FAT4: variants seen among roughly 807,000 people sequenced by gnomAD.
FAT4 encodes FAT atypical cadherin 4.
FAT4 carries 84 observed loss-of-function variants against 303.9 expected under a neutral mutation model. The ratio of observed to expected loss-of-function variants is 0.28; its 90% CI spans 0.23 to 0.33. FAT4 has a LOEUF of 0.33. FAT4 is among the 10% of genes least tolerant of loss of function. The pLI, the probability that FAT4 is intolerant of heterozygous loss-of-function variation, is 1.00. For missense variants in FAT4, 6,005 were observed against 6,146.8 expected (o/e 0.98, Z 0.77); for synonymous variants, 2,307 against 2,298.8 (o/e 1.00, Z -0.10).
At chr4:125,336,362 C>G (rs769827271) in intron 2 of FAT4, among the ~76,000 whole-genome samples, 18 of 151,806 alleles carry the variant, frequency 1.2e-4, no homozygotes, top group Non-Finnish European at 2.2e-4. Context: ...TAATATAATG[C>G]AAAGGTAGAG....
chr4:125,372,876 G>T (rs543367983), intron 2 of FAT4, among the ~76,000 whole-genome samples: 1 of 152,080 alleles, frequency 6.6e-6, no homozygotes, highest in African/African-American at 2.4e-5. Flanking sequence ...AATAGCAAGT[G>T]GAAAACCCAT....
chr4:125,490,935 C>G lies in FAT4; in HGVS notation c.14119C>G (p.Pro4707Ala), dbSNP rs1727611034. The change falls in exon 18 of 18, where the codon CCT (proline) becomes GCT (alanine). Residue 4707 changes from proline to alanine, a missense_variant. Physicochemically the swap from Pro to Ala is conservative, Grantham distance 27 (BLOSUM62 -1). Transcript: ENST00000394329. ...CCCTCTGTCTCGACACAGTCCAGCC[C>G]CTTTCTCCAAATCTTCTACGTTCTA... ...PNPLSRHSPA[P>A]FSKSSTFYRN... 7 of 1,614,166 alleles carry G rather than the reference C, an allele frequency of 4.3e-6. No homozygotes were observed. The East Asian group carries it at 1.3e-4, about 31-fold the overall frequency.
chr4:125,441,539 C>T (rs957270101), intron 8 of FAT4, among the ~76,000 whole-genome samples: 4 of 152,164 alleles, frequency 2.6e-5, no homozygotes, highest in Admixed American at 2.0e-4. Flanking sequence ...AGCACAAAAA[C>T]ATGCCTAGTT....
At chr4:125,322,438 T>C (rs79008005) in intron 2 of FAT4, among the ~76,000 whole-genome samples, 3,186 of 152,304 alleles carry the variant, frequency 0.021, 109 homozygotes, top group African/African-American at 0.072. Context: ...TGCTTTTTAA[T>C]TGAACTACTT....
At chr4:125,444,613 C>T (rs892984017) in intron 8 of FAT4, among the ~76,000 whole-genome samples, 20 of 152,204 alleles carry the variant, frequency 1.3e-4, no homozygotes, top group Admixed American at 8.5e-4. Flanking sequence ...CAACACATTA[C>T]GCTTAATAAT....
chr4:125,408,404 A>T, intron 4 of FAT4, 40 bp from the exon 5 acceptor site: 1 of 1,323,214 alleles, frequency 7.6e-7, no homozygotes, highest in Non-Finnish European at 1.0e-6. Flanking sequence ...AATACTTCTT[A>T]CTTCCTTGAT....
intron 2 of FAT4, chr4:125,394,147 C>A: frequency 1.9e-6 from 1 of 525,102 alleles, no homozygotes; most frequent in South Asian, 2.9e-5. Flanking sequence ...CTTATCTTAA[C>A]GGGATCATGA....
chr4:125,442,542 A>AC (rs1725695368), intron 8 of FAT4, among the ~76,000 whole-genome samples: 1 of 152,150 alleles, frequency 6.6e-6, no homozygotes, highest in Non-Finnish European at 1.5e-5. Flanking sequence ...TCCACACCTG[A>AC]TACCTTTGCT....
chr4:125,339,900 A>C (rs1731717068), intron 2 of FAT4, among the ~76,000 whole-genome samples: 1 of 152,152 alleles, frequency 6.6e-6, no homozygotes, highest in South Asian at 2.1e-4. Context: ...TACATCTATA[A>C]TATAATTGTA....
chr4:125,484,980 G>A (rs1401403646), intron 16 of FAT4, among the ~76,000 whole-genome samples: 1 of 151,868 alleles, frequency 6.6e-6, no homozygotes, highest in African/African-American at 2.4e-5. Context: ...AGCCTCCCAA[G>A]TAGATGGGAC....
chr4:125,317,468 G>A lies in FAT4; in HGVS notation c.1057G>A (p.Val353Met). ...GGACGTGAATGACAATGACCCGGTAGTGAAGTTCCGCTACTTCCCGGCCAC... is the reference window on the plus strand; with the variant it reads ...GGACGTGAATGACAATGACCCGGTAATGAAGTTCCGCTACTTCCCGGCCAC... ...LLDVNDNDPVVKFRYFPATSR... is the reference protein window; with the variant it reads ...LLDVNDNDPVMKFRYFPATSR... The change falls in exon 2 of 18, where the codon GTG becomes ATG. Residue 353 changes from valine (V) to methionine (M), a missense_variant. Physicochemically the swap from Val to Met is conservative, Grantham distance 21. Coordinates refer to ENST00000394329, the MANE Select transcript of FAT4 (RefSeq NM_001291303.3). This position sits in a 1 kb window ranked among gnomAD's most constrained non-coding sequence, Gnocchi z 7.0. 6.2e-7 allele frequency: 1 copy of A among 1,613,722 alleles called. No individual in the cohort carries two copies. The highest frequency in any genetic ancestry group is 8.5e-7 in the Non-Finnish European group (1 of 1,180,052).
At chr4:125,357,656 T>G (rs1415783424) in intron 2 of FAT4, among the ~76,000 whole-genome samples, 2 of 152,178 alleles carry the variant, frequency 1.3e-5, no homozygotes, top group African/African-American at 4.8e-5. Context: ...ACAAAATATT[T>G]TATCTCCTCA....
Position 125,415,692 on chromosome 4 carries a change from C to T in FAT4, c.6729C>T (p.Ser2243=), listed in dbSNP as rs368872163. The part of the protein sequence containing the change: ...DRGSTPRTDT[S]TVSIVLLDIN... Reference sequence around the variant, plus strand: ...GCAGCACACCCAGAACTGATACCTCCACGGTCAGCATTGTTCTACTGGATA... The same window carrying T: ...GCAGCACACCCAGAACTGATACCTCTACGGTCAGCATTGTTCTACTGGATA... The change falls in exon 6 of 18, where the codon TCC becomes TCT. Residue 2243 remains serine, a synonymous_variant. Transcript: ENST00000394329. 1.5e-5 allele frequency: 24 copies of T among 1,613,884 alleles called. No individual in the cohort carries two copies. The African/African-American group carries it at 3.2e-4, about 22-fold the overall frequency.
intron 7 of FAT4, among the ~76,000 whole-genome samples, chr4:125,427,523 G>C (rs1241729812): frequency 1.3e-5 from 2 of 151,444 alleles, no homozygotes; most frequent in Admixed American, 1.3e-4. Context: ...TTAAAATACA[G>C]AAGTGTTGTT....
chr4:125,369,977 TATTCCATTG>T (rs1472399415), intron 2 of FAT4, among the ~76,000 whole-genome samples: 1 of 152,164 alleles, frequency 6.6e-6, no homozygotes, highest in African/African-American at 2.4e-5. Context: ...GACCGAATAG[TATTCCATTG>T]TATGTATATA....
In FAT4 at chr4:125,449,744, T is replaced by G; in HGVS notation, c.8734T>G (p.Phe2912Val). 2 of 1,613,764 alleles carry G rather than the reference T, an allele frequency of 1.2e-6. No homozygotes were observed. Among genetic ancestry groups the G allele is most frequent in the African/African-American group, 1.3e-5 (1 of 75,034 alleles). The change falls in exon 10 of 18, where the codon TTC becomes GTC. Residue 2912 changes from phenylalanine to valine, a missense_variant. By Grantham distance (50) the Phe-to-Val change is conservative. Coordinates refer to ENST00000394329, the MANE Select transcript of FAT4 (RefSeq NM_001291303.3). ...DEGSNGQVFY[F>V]IKSQSEYFRI... ...GGGATCAAATGGACAAGTGTTTTAT[T>G]TCATAAAATCCCAATCAGAATATTT...
Position 125,319,766 on chromosome 4 carries a change from G to T in FAT4, c.3355G>T (p.Val1119Leu). ...AGAAGAGCAGAGGGCTGGGTCGTTT[G>T]TGGGCAAAGTAAGTGCTGTAGATAA... ...FEEEQRAGSF[V>L]GKVSAVDKDF... Residue 1119 changes from valine (V) to leucine (L), a missense_variant, in exon 2 of 18, where the codon GTG becomes TTG. Val to Leu is a conservative substitution (Grantham distance 32, BLOSUM62 1). Coordinates refer to ENST00000394329, the MANE Select transcript of FAT4 (RefSeq NM_001291303.3). 2.5e-6 allele frequency: 4 copies of T among 1,614,216 alleles called. No individual in the cohort carries two copies. The highest frequency in any genetic ancestry group is 1.1e-5 in the South Asian group (1 of 91,082).
intron 8 of FAT4, among the ~76,000 whole-genome samples, chr4:125,442,370 T>A (rs1725690368): frequency 6.6e-6 from 1 of 152,160 alleles, no homozygotes; most frequent in African/African-American, 2.4e-5. Flanking sequence ...CCAGGATTTT[T>A]TTTAACCTAC....
intron 16 of FAT4, among the ~76,000 whole-genome samples, chr4:125,485,334 C>A (rs1347679303): frequency 1.3e-5 from 2 of 152,082 alleles, no homozygotes; most frequent in African/African-American, 4.8e-5. Context: ...AACACAAATA[C>A]ATTGTACAGC....
Sources: gnomAD v4.1 joint callset for allele counts (sites outside exome capture counted in the v4.1 genomes callset) on GRCh38, gnomAD v4.1.1 for gene constraint, Gnocchi (gnomAD v3.1) non-coding constraint, MANE v1.5 for transcripts, NCBI Gene and HGNC (gene_info 2026-07-23, HGNC 2026-07-21) for gene names.